Variants in USP37 observed in about 807,000 individuals in gnomAD.
The protein encoded by USP37 is ubiquitin specific peptidase 37, also known as ubiquitin carboxyl-terminal hydrolase 37.
Under a neutral mutation model 124.0 loss-of-function variants are expected in USP37, and 27 were observed. That is an observed-to-expected ratio of 0.22 (90% confidence interval 0.16 to 0.30). The LOEUF is 0.30. Among genes scored for constraint, USP37 ranks in the 10% least tolerant of loss-of-function variants. The probability of loss-of-function intolerance (pLI) is 1.00; values close to 1 mark genes in which losing one functional copy is unlikely to be tolerated. For missense variants in USP37, 889 were observed against 1,140.4 expected (o/e 0.78, Z 3.17); for synonymous variants, 365 against 388.0 (o/e 0.94, Z 0.70).
At chr2:218,536,809 T>A (rs1462814124) in intron 8 of USP37, among the ~76,000 whole-genome samples, 2 of 152,226 alleles carry the variant, frequency 1.3e-5, no homozygotes, top group Non-Finnish European at 2.9e-5. Context: ...GATAGGATTC[T>A]GGAATTGGAC....
At chr2:218,506,210 T>C (rs2105998882) in intron 11 of USP37, among the ~76,000 whole-genome samples, 1 of 152,084 alleles carries the variant, frequency 6.6e-6, no homozygotes, top group Middle Eastern at 3.4e-3. Flanking sequence ...TTTAATCTTC[T>C]TCTTCCGGGA....
chr2:218,553,610 C>T lies in USP37; in HGVS notation c.271G>A (p.Asp91Asn). Reference protein sequence around the residue: ...FLSIDKVPSKDAEEMRLFLDA... With the variant: ...FLSIDKVPSKNAEEMRLFLDA... ...AGAAACAACCTCATTTCCTCTGCAT[C>T]CTTACTTGGTACTTTGTCAATAGAC... The change falls in exon 5 of 26, where the codon GAT (aspartate) becomes AAT (asparagine). Residue 91 changes from aspartate to asparagine, a missense_variant. Asp to Asn is a conservative substitution (Grantham distance 23). Around this residue, in one of 3 missense-constraint regions of USP37, gnomAD observed 374 missense variants for 386.0 expected, o/e 0.97. Transcript: ENST00000258399. 6.2e-7 allele frequency: 1 copy of T among 1,613,842 alleles called. No individual in the cohort carries two copies. Among genetic ancestry groups the T allele is most frequent in the African/African-American group, 1.3e-5 (1 of 75,006 alleles).
chr2:218,459,567 T>C (rs1689890617), intron 23 of USP37, among the ~76,000 whole-genome samples: 1 of 152,058 alleles, frequency 6.6e-6, no homozygotes, highest in Non-Finnish European at 1.5e-5. Flanking sequence ...GCATGTAAAG[T>C]GGTCAGGATG....
intron 11 of USP37, among the ~76,000 whole-genome samples, chr2:218,502,997 T>C (rs1041671362): frequency 6.6e-5 from 10 of 152,322 alleles, no homozygotes; most frequent in Non-Finnish European, 1.0e-4. Flanking sequence ...AGAAAAGATA[T>C]CTTTAAAATA....
chr2:218,486,882 C>A (rs1355643452), intron 15 of USP37, among the ~76,000 whole-genome samples: 1 of 151,966 alleles, frequency 6.6e-6, no homozygotes, highest in Non-Finnish European at 1.5e-5. Flanking sequence ...CCCGCCACCA[C>A]GCCCAGCTAA....
intron 10 of USP37, among the ~76,000 whole-genome samples, chr2:218,526,074 T>A (rs1690942313): frequency 6.6e-6 from 1 of 152,240 alleles, no homozygotes; most frequent in African/African-American, 2.4e-5. Context: ...TCACGTTCTT[T>A]ATCCAGTCTA....
chr2:218,493,750 C>T (rs1480924696), intron 14 of USP37, among the ~76,000 whole-genome samples: 5 of 152,096 alleles, frequency 3.3e-5, no homozygotes, highest in South Asian at 2.1e-4. Flanking sequence ...GGATTACAGG[C>T]GGGAGCCACC....
chr2:218,466,114 C>G lies in USP37; in HGVS notation c.2362G>C (p.Glu788Gln). 6.2e-7 allele frequency: 1 copy of G among 1,613,982 alleles called. No individual in the cohort carries two copies. The highest frequency in any genetic ancestry group is 8.5e-7 in the Non-Finnish European group (1 of 1,179,974). ...CDENKENKTP[E>Q]GSQGEVDWLQ... The stretch of plus-strand genomic sequence containing the variant: ...CAATCAACTTCTCCCTGAGATCCTT[C>G]TGGAGTTTTGTTTTCTTTATTCTCA... The change falls in exon 21 of 26, where the codon GAA becomes CAA. Residue 788 changes from glutamate to glutamine, a missense_variant. Coordinates refer to ENST00000258399, the MANE Select transcript of USP37 (RefSeq NM_020935.3).
chr2:218,483,020 G>A (rs1691347970), intron 16 of USP37, among the ~76,000 whole-genome samples: 1 of 152,072 alleles, frequency 6.6e-6, no homozygotes, highest in South Asian at 2.1e-4. Flanking sequence ...ATAAAAAACT[G>A]ATTCTTACCA....
intron 13 of USP37, among the ~76,000 whole-genome samples, chr2:218,496,783 G>C (rs943465383): frequency 3.9e-5 from 6 of 151,956 alleles, no homozygotes; most frequent in African/African-American, 1.5e-4. Context: ...CAAGTAGCTG[G>C]GATTACAGAC....
intron 11 of USP37, among the ~76,000 whole-genome samples, chr2:218,508,580 C>T (rs1170032453): frequency 6.6e-6 from 1 of 151,736 alleles, no homozygotes; most frequent in African/African-American, 2.4e-5. Context: ...AGACACAGAC[C>T]CAGATGAAGA....
chr2:218,539,646 C>T (rs992938558), intron 8 of USP37, among the ~76,000 whole-genome samples: 1 of 151,854 alleles, frequency 6.6e-6, no homozygotes, highest in East Asian at 1.9e-4. Context: ...GCCCGGGAGG[C>T]GGAGGTTGCA....
Position 218,558,528 on chromosome 2 carries a change from G to A in USP37, c.126C>T (p.Tyr42=), listed in dbSNP as rs1443221995. The change falls in exon 4 of 26, where the codon TAC becomes TAT. Residue 42 remains tyrosine (Y), a synonymous_variant. Transcript: ENST00000258399. ...ATATCCTTGGAATTCCTCCAGTATT[G>A]TAGTGAACTACTAGGCTGACTTTAT... ...KENKVSLVVH[Y]NTGGIPRIFQ... is the part of the protein sequence containing the mutation. 2.5e-6 allele frequency: 4 copies of A among 1,612,682 alleles called. No homozygotes were observed. The South Asian group carries it at 3.3e-5, about 13-fold the overall frequency.
At chr2:218,527,849 C>T (rs957943796) in intron 10 of USP37, among the ~76,000 whole-genome samples, 6 of 152,124 alleles carry the variant, frequency 3.9e-5, no homozygotes, top group African/African-American at 1.4e-4. Context: ...AATTCTTTAC[C>T]TTAATCATTT....
intron 5 of USP37, among the ~76,000 whole-genome samples, chr2:218,550,665 C>G (rs563900296): frequency 7.3e-5 from 11 of 150,932 alleles, no homozygotes; most frequent in African/African-American, 2.4e-4. Flanking sequence ...TATGCTCCTA[C>G]CAAGTATATG....
At chr2:218,507,168 A>G (rs1023673020) in intron 11 of USP37, among the ~76,000 whole-genome samples, 53 of 150,978 alleles carry the variant, frequency 3.5e-4, no homozygotes, top group African/African-American at 8.5e-4. Context: ...TTATTTATTT[A>G]TTTGTTTTTT....
At position 218,451,966 on chromosome 2, in the gene USP37, C is replaced by T. The variant is rs1202942661; in HGVS notation, c.*2964G>A. ...GACAAAACTCATGAGTGTGCACACA[C>T]ATGTGAATATATCCCTACGAAACAG... On this transcript the variant is annotated 3_prime_UTR_variant, in exon 26 of 26. Transcript: ENST00000258399. The T allele has an allele frequency of 6.6e-6, 1 of 152,604 alleles. No homozygotes were observed. The highest frequency in any genetic ancestry group is 2.4e-5 in the African/African-American group (1 of 41,444). The allele number at this position is 152,604 out of a possible 1,614,324, so 9.5% of individuals were successfully genotyped here.
At chr2:218,472,607 C>T (rs1217820768) in intron 20 of USP37, among the ~76,000 whole-genome samples, 1 of 151,968 alleles carries the variant, frequency 6.6e-6, no homozygotes, top group African/African-American at 2.4e-5. Context: ...GCTGGGATTA[C>T]AGACATGCAA....
chr2:218,501,683 C>A (rs185575627), intron 11 of USP37, among the ~76,000 whole-genome samples: 1 of 152,238 alleles, frequency 6.6e-6, no homozygotes, highest in Admixed American at 6.5e-5. Context: ...AGAAATCTTA[C>A]CAAGTTGAGC....
Sources: allele counts gnomAD v4.1 joint callset (sites outside exome capture counted in the v4.1 genomes callset), GRCh38; gene constraint gnomAD v4.1.1; regional missense constraint gnomAD v4.1.1; transcripts MANE v1.5; gene names NCBI Gene and HGNC (gene_info 2026-07-23, HGNC 2026-07-21).